The following GTF3C1 variants were observed in gnomAD, a reference collection of about 807,000 sequenced individuals.
The protein encoded by GTF3C1 is general transcription factor 3C polypeptide 1.
GTF3C1 carries 57 observed loss-of-function variants against 226.7 expected under a neutral mutation model. The ratio of observed to expected loss-of-function variants is 0.25; its 90% CI spans 0.20 to 0.31. GTF3C1 has a LOEUF of 0.31. Ranked by LOEUF, GTF3C1 falls within the 10% of genes least tolerant of loss-of-function variation. The pLI is 1.00. For missense variants in GTF3C1, 2,217 were observed against 2,776.1 expected (o/e 0.80, Z 4.53); for synonymous variants, 1,090 against 1,084.8 (o/e 1.00, Z -0.09).
rs1322820835 is a variant in GTF3C1, at chr16:27,489,860, G to C, written c.3152-117C>G. On this transcript the variant is annotated intron_variant, in intron 19 of 36. Coordinates refer to ENST00000356183, the MANE Select transcript of GTF3C1 (RefSeq NM_001520.4). ...TTCCCTGCCTGTGAAAAGGCTCCCC[G>C]GCCACTGCGGGGGTCTGAGATTGGT... The C allele has an allele frequency of 8.5e-6, 8 of 942,874 alleles. No individual in the cohort carries two copies. In the East Asian group the frequency reaches 1.6e-4, roughly 18 times the overall value. 58.4% of individuals were successfully genotyped at this position (942,874 alleles called of 1,614,324 possible). A position where few individuals can be genotyped will look rare whatever the true frequency, so the allele number is the denominator to read the frequency against.
At chr16:27,486,284 G>A in intron 23 of GTF3C1, 130 bp from the exon 24 acceptor site, 1 of 557,152 alleles carries the variant, frequency 1.8e-6, no homozygotes, top group Admixed American at 3.0e-5. Context: ...GATACTCATT[G>A]TATCTAAAGT....
Position 27,511,910 on chromosome 16 carries a change from A to G in GTF3C1, c.974-9T>C. 6.2e-7 allele frequency: 1 copy of G among 1,613,698 alleles called. No homozygotes were observed. Among genetic ancestry groups the G allele is most frequent in the Non-Finnish European group, 8.5e-7 (1 of 1,180,010 alleles). On this transcript the variant is annotated splice_polypyrimidine_tract_variant and intron_variant, in intron 6 of 36. Transcript: ENST00000356183. ...AACCATGACGTCGGTCCCTGGCAAC[A>G]CAAGCACGGGTTTGCCAGCAATGAG...
chr16:27,510,107 C>T (rs897173315), intron 7 of GTF3C1, among the ~76,000 whole-genome samples: 1 of 152,022 alleles, frequency 6.6e-6, no homozygotes, highest in Admixed American at 6.6e-5. Context: ...AAAATTAGTC[C>T]GGACGCTGTG....
chr16:27,501,790 T>C (rs1383207875), intron 11 of GTF3C1, among the ~76,000 whole-genome samples: 2 of 152,240 alleles, frequency 1.3e-5, no homozygotes, highest in African/African-American at 2.4e-5. Context: ...TATGGTGATC[T>C]TTCCAGATCA....
At chr16:27,513,055 A>G (rs2088600845) in intron 6 of GTF3C1, among the ~76,000 whole-genome samples, 1 of 152,168 alleles carries the variant, frequency 6.6e-6, no homozygotes, top group Non-Finnish European at 1.5e-5. Flanking sequence ...GAAGTGATTA[A>G]ATTAAGGCAT....
intron 4 of GTF3C1, among the ~76,000 whole-genome samples, chr16:27,536,064 G>A (rs1596659961): frequency 6.6e-6 from 1 of 152,172 alleles, no homozygotes; most frequent in South Asian, 2.1e-4. Context: ...GCGACTGCCC[G>A]CCATTTCAAT....
In GTF3C1 at chr16:27,470,183, A is replaced by T; in HGVS notation, c.4739T>A (p.Ile1580Asn). 1 of 1,613,864 alleles carries T rather than the reference A, an allele frequency of 6.2e-7. No individual in the cohort carries two copies. Reference protein sequence around the residue: ...AVLTLFSLGLISVDVRIPEQI... With the variant: ...AVLTLFSLGLNSVDVRIPEQI... ...CTCCGGGATCCTGACATCCACAGAA[A>T]TGAGGCCCAGAGAGAAGAGGGTCAG... Residue 1580 changes from isoleucine (I) to asparagine (N), a missense_variant, in exon 31 of 37, where the codon ATT (isoleucine) becomes AAT (asparagine). Physicochemically the swap from Ile to Asn is moderately radical, Grantham distance 149. Coordinates refer to ENST00000356183, the MANE Select transcript of GTF3C1 (RefSeq NM_001520.4). The surrounding 1 kb of genome is among the most constrained non-coding windows in gnomAD (Gnocchi z 4.9).
rs372643045 is a variant in GTF3C1 at position 27,485,137 on chromosome 16, G to A, written c.3859-784C>T. Among the ~76,000 whole-genome samples the A allele has an allele frequency of 2.6e-5, 4 of 152,380 alleles. No homozygotes were observed. In the South Asian group the frequency reaches 6.2e-4, roughly 24 times the overall value. ...GGATGGAATTCAGGAGAGGACTGAG[G>A]GATGAGAGAACAGGGGACAAGCGGT... On this transcript the variant is annotated intron_variant, in intron 24 of 36. Coordinates refer to ENST00000356183, the MANE Select transcript of GTF3C1 (RefSeq NM_001520.4).
In GTF3C1 at chr16:27,498,679, C is replaced by T. The variant is rs2088357801; in HGVS notation, c.2116G>A (p.Ala706Thr). ...MDQNDPLVRS[A>T]IEQVRFRISN... is the part of the protein sequence containing the mutation. ...ATCCGGAAGCGGACCTGCTCGATGGCACTTCTCACTAGAGGGTCGTTCTGG... is the reference window on the plus strand; with the variant it reads ...ATCCGGAAGCGGACCTGCTCGATGGTACTTCTCACTAGAGGGTCGTTCTGG... Residue 706 changes from alanine (A) to threonine (T), a missense_variant, in exon 13 of 37, where the codon GCC becomes ACC. By Grantham distance (58) the Ala-to-Thr change is moderately conservative (BLOSUM62 0). This residue lies in a region of GTF3C1 where 100 missense variants were observed against 139.9 expected (regional missense o/e 0.71). Transcript: ENST00000356183. 1.3e-5 allele frequency: 21 copies of T among 1,608,514 alleles called. No homozygotes were observed. Among genetic ancestry groups the T allele is most frequent in the Non-Finnish European group, 1.8e-5 (21 of 1,174,892 alleles).
intron 6 of GTF3C1, among the ~76,000 whole-genome samples, chr16:27,516,918 C>T (rs1181734638): frequency 6.6e-6 from 1 of 152,190 alleles, no homozygotes; most frequent in Non-Finnish European, 1.5e-5. Flanking sequence ...AGTCATGGGT[C>T]ACCGAGCTAA....
chr16:27,495,594 G>C lies in GTF3C1; in HGVS notation c.2351-102C>G, dbSNP rs2088304503. 2.9e-6 allele frequency: 3 copies of C among 1,035,896 alleles called. No homozygotes were observed. In the East Asian group the frequency reaches 7.8e-5, roughly 27 times the overall value. 64.2% of individuals were successfully genotyped at this position (1,035,896 alleles called of 1,614,324 possible). ...GAGTGCCACTATGTGCCAGGGGCCAGAAAGATGGCAAATATTCTTACTGTC... is the reference window on the plus strand; with the variant it reads ...GAGTGCCACTATGTGCCAGGGGCCACAAAGATGGCAAATATTCTTACTGTC... On this transcript the variant is annotated intron_variant, in intron 14 of 36. Coordinates refer to ENST00000356183, the MANE Select transcript of GTF3C1 (RefSeq NM_001520.4).
intron 4 of GTF3C1, among the ~76,000 whole-genome samples, chr16:27,537,363 C>T (rs1439446455): frequency 1.3e-5 from 2 of 152,146 alleles, no homozygotes; most frequent in Non-Finnish European, 2.9e-5. Flanking sequence ...AAACAGATAA[C>T]AAATGCCATT....
chr16:27,536,695 C>A lies in GTF3C1; in HGVS notation c.752+1089G>T, dbSNP rs75926860. On this transcript the variant is annotated intron_variant, in intron 4 of 36. Coordinates refer to ENST00000356183, the MANE Select transcript of GTF3C1 (RefSeq NM_001520.4). Reference sequence around the variant, plus strand: ...CCCCCCACTTTTGGAGGATGCACCTCCCCTCCCCATTATCCCTCATTGCTG... The same window carrying A: ...CCCCCCACTTTTGGAGGATGCACCTACCCTCCCCATTATCCCTCATTGCTG... Among the ~76,000 whole-genome samples the A allele has an allele frequency of 5.3e-5, 8 of 152,252 alleles. No homozygotes were observed. In the East Asian group the frequency reaches 1.5e-3, roughly 29 times the overall value.
chr16:27,465,904 C>T (rs926657429), intron 32 of GTF3C1: 3 of 279,340 alleles, frequency 1.1e-5, no homozygotes, highest in Non-Finnish European at 2.1e-5. Flanking sequence ...TGGTCCCATC[C>T]CTTCCTGCTG....
rs2087708959 is a variant in GTF3C1 at position 27,461,717 on chromosome 16, C to T, written c.6118-155G>A. 13 of 626,056 alleles carry T rather than the reference C, an allele frequency of 2.1e-5. No homozygotes were observed. The highest frequency in any genetic ancestry group is 3.7e-5 in the Non-Finnish European group (13 of 352,180). 38.8% of individuals were successfully genotyped at this position (626,056 alleles called of 1,614,324 possible). ...GGGCATGAGGCAGATGGGGATGTAC[C>T]AGGAGGGTTCAGGCAAAGGCCCTGG... On this transcript the variant is annotated intron_variant, in intron 36 of 36. Transcript: ENST00000356183. The surrounding 1 kb of genome is among the most constrained non-coding windows in gnomAD (Gnocchi z 5.3).
chr16:27,489,793 C>T (rs746540371), intron 19 of GTF3C1, 50 bp from the exon 20 acceptor site: 3 of 1,576,514 alleles, frequency 1.9e-6, no homozygotes, highest in South Asian at 1.1e-5. Context: ...TGCTGCAGCT[C>T]TGGTGGCTAC....
intron 2 of GTF3C1, among the ~76,000 whole-genome samples, chr16:27,543,132 T>G (rs1160516513): frequency 6.6e-6 from 1 of 152,214 alleles, no homozygotes; most frequent in African/African-American, 2.4e-5. Context: ...ACGCCTGTAA[T>G]CCCAGCACTT....
At chr16:27,481,652 T>A (rs949238652) in intron 26 of GTF3C1, among the ~76,000 whole-genome samples, 43 of 152,162 alleles carry the variant, frequency 2.8e-4, no homozygotes, top group African/African-American at 1.0e-3. Context: ...CTGCATCATC[T>A]CAGTCCAGAC....
At position 27,471,490 on chromosome 16, in the gene GTF3C1, T is replaced by A; in HGVS notation, c.4526+258A>T. On this transcript the variant is annotated intron_variant, in intron 30 of 36. Coordinates refer to ENST00000356183, the MANE Select transcript of GTF3C1 (RefSeq NM_001520.4). The surrounding 1 kb of genome is among the most constrained non-coding windows in gnomAD (Gnocchi z 5.0). ...TTAAATGCAAACTGATTTCACTCCA[T>A]CTGACGAGAGAAACGGAAACAAACC... 4.3e-6 allele frequency: 2 copies of A among 466,666 alleles called. No homozygotes were observed. The highest frequency in any genetic ancestry group is 7.7e-6 in the Non-Finnish European group (2 of 258,362). The allele number at this position is 466,666 out of a possible 1,614,324, so 28.9% of individuals were successfully genotyped here.
Sources: gnomAD v4.1 joint callset for allele counts (sites outside exome capture counted in the v4.1 genomes callset) on GRCh38, gnomAD v4.1.1 for gene constraint, gnomAD v4.1.1 regional missense constraint, Gnocchi (gnomAD v3.1) non-coding constraint, MANE v1.5 for transcripts, NCBI Gene and HGNC (gene_info 2026-07-23, HGNC 2026-07-21) for gene names.